Variants in RABGAP1L observed in about 807,000 individuals in gnomAD.
The protein encoded by RABGAP1L is RAB GTPase activating protein 1 like, also known as rab GTPase-activating protein 1-like.
Under a neutral mutation model 137.7 loss-of-function variants are expected in RABGAP1L, and 63 were observed. That is an observed-to-expected ratio of 0.46 (90% CI 0.37 to 0.56). RABGAP1L has a LOEUF of 0.56. Ranked by LOEUF, RABGAP1L falls within the 20% of genes least tolerant of loss-of-function variation. The pLI, the probability that RABGAP1L is intolerant of heterozygous loss-of-function variation, is 0.00. For synonymous variants in RABGAP1L, 431 were observed against 433.7 expected, an observed-to-expected ratio of 0.99 and a Z score of 0.08; for missense variants, 1,095 against 1,244.0, an observed-to-expected ratio of 0.88 and a Z score of 1.80.
intron 13 of RABGAP1L, among the ~76,000 whole-genome samples, chr1:174,444,037 A>G (rs1305658044): frequency 6.6e-6 from 1 of 151,808 alleles, no homozygotes; most frequent in Non-Finnish European, 1.5e-5. Context: ...CCATTGGTCT[A>G]TGTGTTTTTA....
chr1:174,242,543 A>T (rs1021519645), intron 5 of RABGAP1L, among the ~76,000 whole-genome samples: 1 of 152,218 alleles, frequency 6.6e-6, no homozygotes, highest in African/African-American at 2.4e-5. Flanking sequence ...AGGAGTTTTG[A>T]GTTTATTTCT....
At chr1:174,531,293 T>C (rs1489917446) in intron 13 of RABGAP1L, among the ~76,000 whole-genome samples, 2 of 152,144 alleles carry the variant, frequency 1.3e-5, no homozygotes, top group African/African-American at 4.8e-5. Context: ...ACCAAGTATA[T>C]ATACATGGAA....
intron 11 of RABGAP1L, among the ~76,000 whole-genome samples, chr1:174,359,238 A>T (rs1287098488): frequency 6.6e-6 from 1 of 151,504 alleles, no homozygotes; most frequent in Admixed American, 6.6e-5. Context: ...TTTGGTCTCC[A>T]GTGTCTTTTT....
At chr1:174,916,751 T>C (rs1223147790) in intron 19 of RABGAP1L, among the ~76,000 whole-genome samples, 2 of 152,186 alleles carry the variant, frequency 1.3e-5, no homozygotes, top group Admixed American at 6.5e-5. Context: ...TTAATTTTAT[T>C]CATTCCATTG....
intron 19 of RABGAP1L, among the ~76,000 whole-genome samples, chr1:174,936,723 A>G (rs1664854286): frequency 6.6e-6 from 1 of 152,222 alleles, no homozygotes; most frequent in South Asian, 2.1e-4. Flanking sequence ...GATGTTAGCC[A>G]GTAAATATTT....
intron 18 of RABGAP1L, among the ~76,000 whole-genome samples, chr1:174,784,914 A>T (rs1653633): frequency 0.94 from 142,766 of 152,254 alleles, 67,620 homozygotes; most frequent in East Asian, 1. Context: ...TCCTCCTTAA[A>T]TAAAAAGTAA....
At chr1:174,385,194 G>A (rs1222600975) in intron 12 of RABGAP1L, among the ~76,000 whole-genome samples, 4 of 152,268 alleles carry the variant, frequency 2.6e-5, no homozygotes, top group East Asian at 1.9e-4. Flanking sequence ...GGTAGCAGAG[G>A]GTGACATGTG....
chr1:174,703,559 G>A (rs548239761), intron 17 of RABGAP1L, among the ~76,000 whole-genome samples: 2 of 152,254 alleles, frequency 1.3e-5, no homozygotes, highest in South Asian at 2.1e-4. Flanking sequence ...ATAAGTGCAC[G>A]AATCTTTTTT....
At chr1:174,408,808 C>CAGATT (rs1273151510) in intron 13 of RABGAP1L, among the ~76,000 whole-genome samples, 2 of 152,040 alleles carry the variant, frequency 1.3e-5, no homozygotes, top group Non-Finnish European at 2.9e-5. Context: ...TTGCCTTTCT[C>CAGATT]AGATTAGTGA....
At chr1:174,237,840 C>G (rs1217401510) in intron 4 of RABGAP1L, among the ~76,000 whole-genome samples, 1 of 150,790 alleles carries the variant, frequency 6.6e-6, no homozygotes, top group East Asian at 1.9e-4. Context: ...TGGGGAAATT[C>G]TCCTGGATAA....
In RABGAP1L at chr1:174,232,652, G is replaced by A. The variant is rs183867428; in HGVS notation, c.542+1297G>A. Among the ~76,000 whole-genome samples, 5 of 150,724 alleles carry A rather than the reference G, an allele frequency of 3.3e-5. No homozygotes were observed. In the East Asian group the frequency reaches 7.9e-4, roughly 24 times the overall value. ...CAAAAAATTAGCTGGGCATGGTGGC[G>A]GGCGCCTGTAGTCCCAGCTACTCGG... On this transcript the variant is annotated intron_variant, in intron 4 of 25. Coordinates refer to ENST00000681986, the MANE Select transcript of RABGAP1L (RefSeq NM_001366446.1).
intron 18 of RABGAP1L, among the ~76,000 whole-genome samples, chr1:174,756,263 C>T (rs920699493): frequency 2.0e-5 from 3 of 152,136 alleles, no homozygotes; most frequent in Admixed American, 6.5e-5. Context: ...GATTCTCCTG[C>T]CTCAGCCTCC....
At chr1:174,890,561 A>C (rs1385216392) in intron 19 of RABGAP1L, among the ~76,000 whole-genome samples, 5 of 152,240 alleles carry the variant, frequency 3.3e-5, no homozygotes, top group Non-Finnish European at 7.3e-5. Flanking sequence ...TAAATAATAC[A>C]TGCACACAGT....
intron 17 of RABGAP1L, among the ~76,000 whole-genome samples, chr1:174,709,019 C>T (rs776050159): frequency 2.5e-4 from 38 of 152,200 alleles, no homozygotes; most frequent in African/African-American, 6.3e-4. Context: ...GGCTTGAGTA[C>T]GCAGTTTTCC....
intron 10 of RABGAP1L, among the ~76,000 whole-genome samples, chr1:174,294,236 T>G (rs1246247468): frequency 1.3e-5 from 2 of 152,236 alleles, no homozygotes; most frequent in Non-Finnish European, 2.9e-5. Context: ...TTCTATCTAG[T>G]CTGTATTCCT....
chr1:174,215,364 G>T (rs1298882945), intron 1 of RABGAP1L, among the ~76,000 whole-genome samples: 1 of 151,930 alleles, frequency 6.6e-6, no homozygotes, highest in African/African-American at 2.4e-5. Context: ...GGCTGAGGCA[G>T]GAGAATTGCT....
rs571723703 is a variant in RABGAP1L, at chr1:174,637,482, C to T, written c.1818C>T (p.Ile606=). ...GGDGQESLYK[I]CKAYSVYDED... Reference sequence around the variant, plus strand: ...ATGGTCAAGAATCGCTCTATAAGATCTGCAAGGTAGGACTCTCTTCCTCAC... The same window carrying T: ...ATGGTCAAGAATCGCTCTATAAGATTTGCAAGGTAGGACTCTCTTCCTCAC... Residue 606 remains isoleucine, a synonymous_variant, in exon 14 of 26, where the codon ATC becomes ATT. Transcript: ENST00000681986. 4 of 1,591,686 alleles carry T rather than the reference C, an allele frequency of 2.5e-6. No individual in the cohort carries two copies. Among genetic ancestry groups the T allele is most frequent in the South Asian group, 1.1e-5 (1 of 90,572 alleles).
At chr1:174,254,606 T>G (rs1417958804) in intron 7 of RABGAP1L, among the ~76,000 whole-genome samples, 3 of 152,148 alleles carry the variant, frequency 2.0e-5, no homozygotes, top group Non-Finnish European at 4.4e-5. Flanking sequence ...TTTGTTCCTG[T>G]GTTAGTTTGC....
chr1:174,416,606 C>A (rs1378986894), intron 13 of RABGAP1L, among the ~76,000 whole-genome samples: 1 of 152,068 alleles, frequency 6.6e-6, no homozygotes, highest in Non-Finnish European at 1.5e-5. Flanking sequence ...TACATATAAT[C>A]CTAGTAGACA....
Sources: gnomAD v4.1 joint callset for allele counts (sites outside exome capture counted in the v4.1 genomes callset) on GRCh38, gnomAD v4.1.1 for gene constraint, MANE v1.5 for transcripts, NCBI Gene and HGNC (gene_info 2026-07-23, HGNC 2026-07-21) for gene names.